The following EXO1 variants were observed in gnomAD, a reference collection of about 807,000 sequenced individuals.
The protein encoded by EXO1 is exonuclease 1.
In EXO1, 69 loss-of-function variants were observed where a neutral mutation model predicts 84.5. The observed-to-expected ratio is 0.82, with a 90% CI of 0.67 to 1.00. The LOEUF is 1.00. EXO1 is among the 50% of genes least tolerant of loss of function. EXO1 has a pLI of 0.00. For missense variants in EXO1, 1,045 were observed against 1,000.7 expected (o/e 1.04, Z -0.60); for synonymous variants, 373 against 366.1 (o/e 1.02, Z -0.21).
intron 12 of EXO1, among the ~76,000 whole-genome samples, chr1:241,877,874 A>G (rs553939254): frequency 6.6e-6 from 1 of 152,202 alleles, no homozygotes; most frequent in Non-Finnish European, 1.5e-5. Flanking sequence ...ATACTACTGC[A>G]AGTTCCTAGA....
chr1:241,878,810 G>C lies in EXO1; in HGVS notation c.1576G>C (p.Asp526His). The change falls in exon 13 of 16, where the codon GAT (aspartate) becomes CAT (histidine). Residue 526 changes from aspartate (D) to histidine (H), a missense_variant. By Grantham distance (81) the Asp-to-His change is moderately conservative (BLOSUM62 -1). Coordinates refer to ENST00000366548, the MANE Select transcript of EXO1 (RefSeq NM_130398.4). The stretch of plus-strand genomic sequence containing the variant: ...AAACAAAGTGAGCATCCAGCCTCTG[G>C]ATGAAACTGCTGTCACAGATAAAGA... The part of the protein sequence containing the change: ...VSNKVSIQPL[D>H]ETAVTDKENN... 6.2e-7 allele frequency: 1 copy of C among 1,614,022 alleles called. No homozygotes were observed. The highest frequency in any genetic ancestry group is 8.5e-7 in the Non-Finnish European group (1 of 1,179,994).
Position 241,858,637 on chromosome 1 carries a change from C to T in EXO1, c.675C>T (p.Asp225=), listed in dbSNP as rs774417536. 6.2e-7 allele frequency: 1 copy of T among 1,614,032 alleles called. No homozygotes were observed. The highest frequency in any genetic ancestry group is 1.1e-5 in the South Asian group (1 of 91,072). ...FRYMCILSGC[D]YLSSLRGIGL... is the part of the protein sequence containing the mutation. ...ACATGTGTATTCTTTCAGGTTGTGA[C>T]TACCTGTCATCACTGCGTGGGATTG... is the stretch of plus-strand genomic sequence containing the variant. The change falls in exon 8 of 16, where the codon GAC becomes GAT. Residue 225 remains aspartate, a synonymous_variant. Coordinates refer to ENST00000366548, the MANE Select transcript of EXO1 (RefSeq NM_130398.4).
At chr1:241,850,836 CTTTTTTTTTT>C (rs10641736) in intron 4 of EXO1, among the ~76,000 whole-genome samples, 8 of 105,088 alleles carry the variant, frequency 7.6e-5, no homozygotes, top group African/African-American at 1.1e-4. Flanking sequence ...CTCCTTTATT[CTTTTTTTTTT>C]TTTTTTTTTT....
At chr1:241,864,037 G>A (rs755043018) in intron 10 of EXO1, among the ~76,000 whole-genome samples, 6 of 151,844 alleles carry the variant, frequency 4.0e-5, no homozygotes, top group Admixed American at 6.6e-5. Flanking sequence ...GTTTTCTTCC[G>A]CTCTCTGTAA....
intron 15 of EXO1, 103 bp from the exon 16 acceptor site, chr1:241,889,362 G>A: frequency 3.0e-6 from 3 of 995,672 alleles, no homozygotes; most frequent in Non-Finnish European, 4.8e-6. Context: ...TACAGTAAAG[G>A]GTCTTATCCT....
At position 241,860,660 on chromosome 1, in the gene EXO1, C is replaced by T; in HGVS notation, c.900C>T (p.Ala300=). 1 of 1,614,016 alleles carries T rather than the reference C, an allele frequency of 6.2e-7. No homozygotes were observed. Among genetic ancestry groups the T allele is most frequent in the Non-Finnish European group, 8.5e-7 (1 of 1,179,910 alleles). Reference sequence around the variant, plus strand: ...AAAGGAAACTTATTCCTCTGAACGCCTATGAAGATGATGTTGATCCTGAAA... The same window carrying T: ...AAAGGAAACTTATTCCTCTGAACGCTTATGAAGATGATGTTGATCCTGAAA... The part of the protein sequence containing the change: ...PIKRKLIPLN[A]YEDDVDPETL... The change falls in exon 9 of 16, where the codon GCC becomes GCT. Residue 300 remains alanine (A), a synonymous_variant. Coordinates refer to ENST00000366548, the MANE Select transcript of EXO1 (RefSeq NM_130398.4).
chr1:241,862,412 T>A (rs555432601), intron 10 of EXO1, among the ~76,000 whole-genome samples: 17 of 152,336 alleles, frequency 1.1e-4, no homozygotes, highest in African/African-American at 3.8e-4. Flanking sequence ...AGAACTCACA[T>A]CTCCATCTTT....
chr1:241,859,763 ACT>A (rs1661267860), intron 8 of EXO1, among the ~76,000 whole-genome samples: 1 of 152,134 alleles, frequency 6.6e-6, no homozygotes, highest in African/African-American at 2.4e-5. Context: ...AAATTCTGAG[ACT>A]CTGGACATTG....
intron 11 of EXO1, among the ~76,000 whole-genome samples, chr1:241,870,618 T>C (rs368474132): frequency 2.1e-3 from 316 of 152,342 alleles, no homozygotes; most frequent in African/African-American, 7.3e-3. Context: ...TAATTGATAT[T>C]TGCCAGTTGC....
At chr1:241,855,953 G>A (rs1426018932) in intron 6 of EXO1, among the ~76,000 whole-genome samples, 2 of 152,160 alleles carry the variant, frequency 1.3e-5, no homozygotes, top group East Asian at 1.9e-4. Context: ...TCTCGCTGGC[G>A]CCTCTCCCTC....
At chr1:241,849,567 T>C (rs1410277280) in intron 3 of EXO1, among the ~76,000 whole-genome samples, 2 of 152,272 alleles carry the variant, frequency 1.3e-5, no homozygotes, top group East Asian at 3.8e-4. Flanking sequence ...ATTACCAGAA[T>C]GTTCGTGCTT....
At chr1:241,868,985 T>G (rs1179910575) in intron 11 of EXO1, among the ~76,000 whole-genome samples, 1 of 152,246 alleles carries the variant, frequency 6.6e-6, no homozygotes, top group Admixed American at 6.5e-5. Context: ...GTATCTCTTT[T>G]GTGGACTATG....
chr1:241,860,458 A>G (rs1661318113), intron 8 of EXO1, 59 bp from the exon 9 acceptor site: 1 of 1,274,656 alleles, frequency 7.8e-7, no homozygotes, highest in Admixed American at 1.7e-5. Flanking sequence ...ATCAGCCTTG[A>G]GGATAATATG....
At chr1:241,884,599 TA>T (rs1248012020) in intron 14 of EXO1, among the ~76,000 whole-genome samples, 2 of 152,068 alleles carry the variant, frequency 1.3e-5, no homozygotes, top group Admixed American at 6.5e-5. Context: ...GGAATCAAGA[TA>T]TATTAAGTGA....
chr1:241,874,799 T>G (rs1490436022), intron 12 of EXO1, among the ~76,000 whole-genome samples: 1 of 152,152 alleles, frequency 6.6e-6, no homozygotes, highest in African/African-American at 2.4e-5. Context: ...AAGCAGTGCC[T>G]TATAGATAGA....
intron 15 of EXO1, among the ~76,000 whole-genome samples, chr1:241,886,280 C>T (rs1378137612): frequency 6.6e-6 from 1 of 152,150 alleles, no homozygotes; most frequent in Non-Finnish European, 1.5e-5. Flanking sequence ...TGTATGTGGC[C>T]AGCACTGTTT....
At position 241,885,457 on chromosome 1, in the gene EXO1, G is replaced by A. The variant is rs61751859; in HGVS notation, c.2355G>A (p.Pro785=). 2.4e-5 allele frequency: 38 copies of A among 1,613,592 alleles called. No homozygotes were observed. Among genetic ancestry groups the A allele is most frequent in the Admixed American group, 1.5e-4 (9 of 59,970 alleles). ...KRKHHNAENK[P]GLQIKLNELW... is the part of the protein sequence containing the mutation. ...AGCATCATAATGCCGAGAACAAGCC[G>A]GGGTTACAGATCAAACTCAATGAGC... The change falls in exon 15 of 16, where the codon CCG becomes CCA. Residue 785 remains proline, a synonymous_variant. Transcript: ENST00000366548.
chr1:241,878,495 C>G (rs79088956), intron 12 of EXO1, among the ~76,000 whole-genome samples: 2 of 129,932 alleles, frequency 1.5e-5, no homozygotes, highest in East Asian at 4.3e-4. Flanking sequence ...GACTCTGTCT[C>G]AAAAAAAAAA....
At chr1:241,875,789 A>G (rs1228077524) in intron 12 of EXO1, among the ~76,000 whole-genome samples, 1 of 152,196 alleles carries the variant, frequency 6.6e-6, no homozygotes, top group Non-Finnish European at 1.5e-5. Context: ...GAGGCAGGAG[A>G]ATCGCTTGAA....
Sources: gnomAD v4.1 joint callset for allele counts (sites outside exome capture counted in the v4.1 genomes callset) on GRCh38, gnomAD v4.1.1 for gene constraint, MANE v1.5 for transcripts, NCBI Gene and HGNC (gene_info 2026-07-23, HGNC 2026-07-21) for gene names.